Variants in RPS6KA3 observed in about 807,000 individuals in gnomAD.
The protein encoded by RPS6KA3 is ribosomal protein S6 kinase alpha-3.
RPS6KA3 carries 4 observed loss-of-function variants against 67.2 expected under a neutral mutation model. That is an observed-to-expected ratio of 0.06 (90% CI 0.03 to 0.14). The LOEUF (loss-of-function observed/expected upper bound fraction) is 0.14. Ranked by LOEUF, RPS6KA3 falls within the 10% of genes least tolerant of loss-of-function variation. The probability of loss-of-function intolerance (pLI) is 1.00; values close to 1 mark genes in which losing one functional copy is unlikely to be tolerated. For synonymous variants in RPS6KA3, 182 were observed against 183.7 expected (o/e 0.99, Z 0.07); for missense variants, 204 against 559.0 (o/e 0.36, Z 6.40).
chrX:20,212,349 T>C (rs2068737969), intron 2 of RPS6KA3, among the ~76,000 whole-genome samples: 1 of 110,326 alleles, frequency 9.1e-6, no homozygotes. Flanking sequence ...AATACAAAAA[T>C]TAGCTGGGCG....
Position 20,232,788 on chromosome X carries a change from C to A in RPS6KA3, c.126+1970G>T, listed in dbSNP as rs143062766. Among the ~76,000 whole-genome samples the A allele has an allele frequency of 6.2e-3, 691 of 111,250 alleles. 13 individuals carry two copies. The highest frequency in any genetic ancestry group is 0.061 in the Admixed American group (638 of 10,497). On this transcript the variant is annotated intron_variant, in intron 2 of 21. Transcript: ENST00000379565. ...TGAGCAAAACATAAAATAACAAATGCCAATAATGATGGATACTCAACTTCA... is the reference window on the plus strand; with the variant it reads ...TGAGCAAAACATAAAATAACAAATGACAATAATGATGGATACTCAACTTCA...
At chrX:20,212,462 C>A (rs1413092252) in intron 2 of RPS6KA3, among the ~76,000 whole-genome samples, 1 of 111,491 alleles carries the variant, frequency 9.0e-6, no homozygotes, top group Non-Finnish European at 1.9e-5. Context: ...CACGCCACTG[C>A]ACTCCAGCCT....
At chrX:20,217,351 T>C (rs2068880826) in intron 2 of RPS6KA3, among the ~76,000 whole-genome samples, 1 of 112,854 alleles carries the variant, frequency 8.9e-6, no homozygotes, top group Non-Finnish European at 1.9e-5. Context: ...GAAATTAATA[T>C]TGTCTATTTG....
intron 1 of RPS6KA3, among the ~76,000 whole-genome samples, chrX:20,249,322 G>C (rs936142126): frequency 3.6e-5 from 4 of 111,961 alleles, no homozygotes. Flanking sequence ...TCTCTGCGGT[G>C]AATGTCCAGG....
At chrX:20,222,867 T>C (rs2069017725) in intron 2 of RPS6KA3, among the ~76,000 whole-genome samples, 1 of 111,860 alleles carries the variant, frequency 8.9e-6, no homozygotes, top group Non-Finnish European at 1.9e-5. Flanking sequence ...TCCCATCGTC[T>C]ACAGAGCTTA....
At chrX:20,175,658 C>T (rs917379348) in intron 13 of RPS6KA3, among the ~76,000 whole-genome samples, 15 of 111,691 alleles carry the variant, frequency 1.3e-4, no homozygotes, top group African/African-American at 4.6e-4. Flanking sequence ...TGCAGCTTTT[C>T]GACATTTGAA....
chrX:20,155,212 C>A lies in RPS6KA3; in HGVS notation c.*186G>T. ...ATTTCTTCCGAAGCTCCAGGAAAAT[C>A]TAACTTGCTAACAATCATTTAAAGC... is the stretch of plus-strand genomic sequence containing the variant. On this transcript the variant is annotated 3_prime_UTR_variant, in exon 22 of 22. Transcript: ENST00000379565. 1 of 509,875 alleles carries A rather than the reference C, an allele frequency of 2.0e-6. No individual in the cohort carries two copies. The highest frequency in any genetic ancestry group is 3.4e-6 in the Non-Finnish European group (1 of 292,711). The allele number at this position is 509,875 out of a possible 1,213,427, so 42.0% of individuals were successfully genotyped here.
Position 20,156,434 on chromosome X carries a change from G to GT in RPS6KA3, c.1960-186dup, listed in dbSNP as rs767317946. On this transcript the variant is annotated intron_variant, in intron 20 of 21. Coordinates refer to ENST00000379565, the MANE Select transcript of RPS6KA3 (RefSeq NM_004586.3). The stretch of plus-strand genomic sequence containing the variant: ...TCCGCTTTTTCCCTGCTAAATAACT[G>GT]TAATTTGGTGCATCACAAGGGGTCA... Among the ~76,000 whole-genome samples the GT allele has an allele frequency of 2.7e-4, 30 of 111,718 alleles. No individual in the cohort carries two copies. In the South Asian group the frequency reaches 0.011, roughly 41 times the overall value.
intron 4 of RPS6KA3, chrX:20,203,269 T>TC (rs1243504891): frequency 9.3e-6 from 1 of 107,771 alleles, no homozygotes; most frequent in Non-Finnish European, 1.9e-5. Flanking sequence ...ACTACTTTTT[T>TC]TTTTTTTTTT....
At chrX:20,199,690 T>C (rs139086290) in intron 4 of RPS6KA3, among the ~76,000 whole-genome samples, 2,489 of 111,615 alleles carry the variant, frequency 0.022, 32 homozygotes, top group Non-Finnish European at 0.034. Flanking sequence ...GATATAGTTT[T>C]AGAAACCCAC....
chrX:20,169,568 T>G (rs1406756124), intron 15 of RPS6KA3, 77 bp from the exon 16 acceptor site: 1 of 618,690 alleles, frequency 1.6e-6, no homozygotes, highest in South Asian at 2.2e-5. Flanking sequence ...CTACAGACCT[T>G]GGGTATTACC....
intron 1 of RPS6KA3, among the ~76,000 whole-genome samples, chrX:20,242,531 G>T (rs1162828427): frequency 9.0e-6 from 1 of 111,201 alleles, no homozygotes; most frequent in Non-Finnish European, 1.9e-5. Context: ...TTTTAGCTCC[G>T]TAATTCATTC....
At chrX:20,166,713 CT>C (rs774405280) in intron 17 of RPS6KA3, among the ~76,000 whole-genome samples, 1,380 of 81,316 alleles carry the variant, frequency 0.017, 11 homozygotes, top group African/African-American at 0.063. Context: ...GACTTCCCTT[CT>C]TTTTTTTTTT....
rs995859269 is a variant in RPS6KA3 at position 20,150,811 on chromosome X, G to A, written c.*4587C>T. The A allele has an allele frequency of 1.8e-5, 2 of 112,174 alleles. No individual in the cohort carries two copies. The highest frequency in any genetic ancestry group is 6.5e-5 in the African/African-American group (2 of 30,765). The allele number at this position is 112,174 out of a possible 1,213,427, so 9.2% of individuals were successfully genotyped here. On this transcript the variant is annotated 3_prime_UTR_variant, in exon 22 of 22. Transcript: ENST00000379565. ...AGGTTTTATTGAGGTTTGTACCTCT[G>A]AACTTAAATCTCTACATTTTCCTTT... is the stretch of plus-strand genomic sequence containing the variant.
rs2148784759 is a variant in RPS6KA3, at chrX:20,234,766, G to C, written c.118C>G (p.Pro40Ala). ...TAAAATATTTTACTTACAGTTTGTG[G>C]GTTAATCTCCTCCTCTCCCATAGGT... The part of the protein sequence containing the change: ...DEPMGEEEIN[P>A]QTEEVSIKEI... Residue 40 changes from proline to alanine, a missense_variant, in exon 2 of 22, where the codon CCA becomes GCA. By Grantham distance (27) the Pro-to-Ala change is conservative (BLOSUM62 -1). This residue lies in a region of RPS6KA3 where 31 missense variants were observed against 42.5 expected (regional missense o/e 0.73). Coordinates refer to ENST00000379565, the MANE Select transcript of RPS6KA3 (RefSeq NM_004586.3). 3 of 1,182,508 alleles carry C rather than the reference G, an allele frequency of 2.5e-6. No individual in the cohort carries two copies. Among genetic ancestry groups the C allele is most frequent in the African/African-American group, 1.8e-5 (1 of 57,056 alleles).
intron 2 of RPS6KA3, among the ~76,000 whole-genome samples, chrX:20,217,453 T>C (rs1002853443): frequency 8.9e-6 from 1 of 112,902 alleles, no homozygotes; most frequent in African/African-American, 3.2e-5. Context: ...ACATTTGGCA[T>C]TATGCCCTGC....
At chrX:20,261,105 C>G (rs1476708171) in intron 1 of RPS6KA3, among the ~76,000 whole-genome samples, 3 of 107,856 alleles carry the variant, frequency 2.8e-5, no homozygotes, top group African/African-American at 1.0e-4. Context: ...TAGGGAGTTT[C>G]TACTCAGAAT....
intron 1 of RPS6KA3, among the ~76,000 whole-genome samples, chrX:20,255,789 C>CAAAAAAAAAAA (rs766544803): frequency 5.8e-5 from 1 of 17,146 alleles, no homozygotes; most frequent in Non-Finnish European, 8.7e-5. Context: ...AATTTCGTCT[C>CAAAAAAAAAAA]AAAAAAAAAA....
At chrX:20,236,720 GA>G (rs2069420385) in intron 1 of RPS6KA3, among the ~76,000 whole-genome samples, 2 of 111,751 alleles carry the variant, frequency 1.8e-5, no homozygotes, top group African/African-American at 6.5e-5. Flanking sequence ...CAAAATTCAG[GA>G]AAAGGTAGGG....
Sources: gnomAD v4.1 joint callset for allele counts (sites outside exome capture counted in the v4.1 genomes callset) on GRCh38, gnomAD v4.1.1 for gene constraint, gnomAD v4.1.1 regional missense constraint, MANE v1.5 for transcripts, NCBI Gene and HGNC (gene_info 2026-07-23, HGNC 2026-07-21) for gene names.